Variants in GPHN observed in about 807,000 individuals in gnomAD.
GPHN encodes gephyrin.
In GPHN, 17 loss-of-function variants were observed where a neutral mutation model predicts 95.5. The ratio of observed to expected loss-of-function variants is 0.18; its 90% CI spans 0.12 to 0.27. The LOEUF is 0.27. Among genes scored for constraint, GPHN ranks in the 10% least tolerant of loss-of-function variants. The pLI is 1.00. For missense variants in GPHN, 660 were observed against 978.1 expected, an observed-to-expected ratio of 0.67 and a Z score of 4.34; for synonymous variants, 320 against 322.5, an observed-to-expected ratio of 0.99 and a Z score of 0.08.
At chr14:67,043,542 C>T (rs370455296) in intron 10 of GPHN, among the ~76,000 whole-genome samples, 1 of 152,048 alleles carries the variant, frequency 6.6e-6, no homozygotes, top group African/African-American at 2.4e-5. Flanking sequence ...TATTGATTTG[C>T]GTATGTTGAA....
chr14:67,125,777 A>C (rs78855745), intron 17 of GPHN, among the ~76,000 whole-genome samples: 66 of 142,590 alleles, frequency 4.6e-4, no homozygotes, highest in African/African-American at 1.7e-3. Flanking sequence ...ACTCTGTCTC[A>C]AAAAAAAAAA....
At chr14:67,426,329 T>C in the GPHN span, among the ~76,000 whole-genome samples, 2 of 152,040 alleles carry the variant, frequency 1.3e-5, no homozygotes, top group Admixed American at 6.5e-5. Flanking sequence ...TTTTCAATGG[T>C]GATCTCAGCA....
intron 1 of GPHN, among the ~76,000 whole-genome samples, chr14:66,535,557 T>C (rs747475112): frequency 2.0e-5 from 3 of 152,144 alleles, no homozygotes; most frequent in African/African-American, 7.2e-5. Context: ...GTGGGGAGAA[T>C]TGGCATCTTA....
At chr14:66,629,591 T>A (rs1387260669) in intron 1 of GPHN, among the ~76,000 whole-genome samples, 1 of 152,134 alleles carries the variant, frequency 6.6e-6, no homozygotes, top group Non-Finnish European at 1.5e-5. Context: ...AACATAATCA[T>A]TTATTATCAT....
intron 1 of GPHN, among the ~76,000 whole-genome samples, chr14:66,583,691 G>C: frequency 6.6e-6 from 1 of 152,118 alleles, no homozygotes; most frequent in East Asian, 1.9e-4. Context: ...AGATCAGATA[G>C]TTGTAGATAT....
chr14:67,104,433 G>T (rs867275328), intron 13 of GPHN, among the ~76,000 whole-genome samples: 4 of 152,146 alleles, frequency 2.6e-5, no homozygotes, highest in Non-Finnish European at 4.4e-5. Context: ...AGAAGAATTA[G>T]TATGAGTTCT....
intron 5 of GPHN, among the ~76,000 whole-genome samples, chr14:66,906,774 G>A (rs181105464): frequency 5.9e-5 from 9 of 152,224 alleles, no homozygotes; most frequent in Non-Finnish European, 1.0e-4. Context: ...CAAGTGTATA[G>A]GAATTTTCCT....
chr14:66,800,121 TTAAC>T (rs2060293170), intron 3 of GPHN, among the ~76,000 whole-genome samples: 1 of 152,116 alleles, frequency 6.6e-6, no homozygotes, highest in South Asian at 2.1e-4. Context: ...CCTCCACTGT[TTAAC>T]TTTTTGTTTT....
At chr14:67,353,158 T>C in the GPHN span, 9 of 723,368 alleles carry the variant, frequency 1.2e-5, no homozygotes, top group African/African-American at 1.1e-4. Flanking sequence ...AGTGAGACTA[T>C]ATAGAGAATT....
At chr14:67,648,150 G>T in the GPHN span, 1 of 1,614,020 alleles carries the variant, frequency 6.2e-7, no homozygotes, top group Admixed American at 1.7e-5. Flanking sequence ...CTATCGAGAA[G>T]GCATGTATAT....
intron 5 of GPHN, among the ~76,000 whole-genome samples, chr14:66,885,140 A>G (rs184079864): frequency 1.3e-5 from 2 of 152,274 alleles, no homozygotes; most frequent in Non-Finnish European, 2.9e-5. Context: ...TGAGTCATTT[A>G]AAGTAACAGT....
Position 66,582,846 on chromosome 14 carries a change from C to T in GPHN, c.64+74255C>T, listed in dbSNP as rs1459905532. Among the ~76,000 whole-genome samples the T allele has an allele frequency of 2.6e-5, 4 of 152,028 alleles. No individual in the cohort carries two copies. The South Asian group carries it at 8.3e-4, about 32-fold the overall frequency. On this transcript the variant is annotated intron_variant, in intron 1 of 22. Coordinates refer to ENST00000478722, the MANE Select transcript of GPHN (RefSeq NM_020806.5). The stretch of plus-strand genomic sequence containing the variant: ...TGTGAATAGTGCCGCAATAAACATA[C>T]ATGTGCATGTGTCTTTATAGCAGCA...
chr14:67,650,679 G>T, the GPHN span: 12 of 1,599,734 alleles, frequency 7.5e-6, no homozygotes, highest in Non-Finnish European at 1.0e-5. Flanking sequence ...GTAGCAGCAA[G>T]GGAACCTGAG....
chr14:67,044,036 T>C (rs2074855552), intron 10 of GPHN, among the ~76,000 whole-genome samples: 1 of 152,166 alleles, frequency 6.6e-6, no homozygotes, highest in African/African-American at 2.4e-5. Context: ...TATTATCTGA[T>C]GGTAGTTTGT....
Position 66,776,483 on chromosome 14 carries a change from G to A in GPHN, c.163G>A (p.Ala55Thr). Reference sequence around the variant, plus strand: ...TTTCAGGTTGGGTGGGACTATATCAGCATACAAGATAGTACCAGATGAAAT... The same window carrying A: ...TTTCAGGTTGGGTGGGACTATATCAACATACAAGATAGTACCAGATGAAAT... ...DPSLLGGTISAYKIVPDEIEE... is the reference protein window; with the variant it reads ...DPSLLGGTISTYKIVPDEIEE... The change falls in exon 3 of 23, where the codon GCA (alanine) becomes ACA (threonine). Residue 55 changes from alanine to threonine, a missense_variant. Transcript: ENST00000478722. The A allele has an allele frequency of 6.4e-7, 1 of 1,574,378 alleles. No homozygotes were observed. Among genetic ancestry groups the A allele is most frequent in the Non-Finnish European group, 8.7e-7 (1 of 1,145,898 alleles).
chr14:67,081,481 G>A (rs574457912), intron 11 of GPHN, among the ~76,000 whole-genome samples: 4 of 152,112 alleles, frequency 2.6e-5, no homozygotes, highest in South Asian at 4.1e-4. Context: ...TAAGTTCCTC[G>A]TAGATTCTAG....
chr14:66,771,772 G>A (rs2153458428), intron 2 of GPHN, among the ~76,000 whole-genome samples: 1 of 125,782 alleles, frequency 8.0e-6, no homozygotes, highest in Admixed American at 1.1e-4. Flanking sequence ...TCCCCTTCCT[G>A]TGTCCATGTG....
the GPHN span, among the ~76,000 whole-genome samples, chr14:67,339,456 T>C: frequency 6.6e-6 from 1 of 152,178 alleles, no homozygotes; most frequent in Non-Finnish European, 1.5e-5. Context: ...CATAGTTAGA[T>C]GCTAACTCCA....
chr14:67,035,057 A>G (rs192183631), intron 10 of GPHN, among the ~76,000 whole-genome samples: 49 of 152,156 alleles, frequency 3.2e-4, no homozygotes, highest in African/African-American at 1.2e-4. Flanking sequence ...ACTGAAACCT[A>G]TGAGATCTTA....
Sources: allele counts gnomAD v4.1 joint callset (sites outside exome capture counted in the v4.1 genomes callset), GRCh38; gene constraint gnomAD v4.1.1; transcripts MANE v1.5; gene names NCBI Gene and HGNC (gene_info 2026-07-23, HGNC 2026-07-21).